NKAIN2: variants seen among roughly 807,000 people sequenced by gnomAD.
NKAIN2 encodes sodium/potassium-transporting ATPase subunit beta-1-interacting protein 2.
NKAIN2 carries 14 observed loss-of-function variants against 32.6 expected under a neutral mutation model. The observed-to-expected ratio is 0.43, with a 90% CI of 0.28 to 0.67. The LOEUF is 0.67. NKAIN2 is among the 30% of genes least tolerant of loss of function. The pLI is 0.17. For synonymous variants in NKAIN2, 80 were observed against 87.2 expected (o/e 0.92, Z 0.46); for missense variants, 198 against 258.3 (o/e 0.77, Z 1.60).
intron 2 of NKAIN2, among the ~76,000 whole-genome samples, chr6:124,349,343 G>T (rs1798607203): frequency 6.6e-6 from 1 of 152,248 alleles, no homozygotes; most frequent in East Asian, 1.9e-4. Context: ...TTCTCCCAGT[G>T]CACAGGCCGG....
intron 1 of NKAIN2, among the ~76,000 whole-genome samples, chr6:124,062,111 A>G (rs1782940643): frequency 6.6e-6 from 1 of 152,026 alleles, no homozygotes; most frequent in Non-Finnish European, 1.5e-5. Context: ...TTACAATGAT[A>G]CGTAAATATA....
intron 1 of NKAIN2, among the ~76,000 whole-genome samples, chr6:123,936,595 A>G (rs1407321052): frequency 1.3e-5 from 2 of 152,144 alleles, no homozygotes; most frequent in Non-Finnish European, 2.9e-5. Flanking sequence ...GAAGAGGAGT[A>G]ATAATATAAA....
intron 4 of NKAIN2, among the ~76,000 whole-genome samples, chr6:124,664,274 CAAAAAAAAGAAAGAA>C (rs1451401203): frequency 5.0e-5 from 7 of 140,090 alleles, no homozygotes; most frequent in African/African-American, 1.9e-4. Flanking sequence ...GACTCTGTCT[CAAAAAAAAGAAAGAA>C]AAAAAAAAGA....
chr6:123,903,769 T>A (rs113043683), intron 1 of NKAIN2, among the ~76,000 whole-genome samples: 36 of 152,200 alleles, frequency 2.4e-4, no homozygotes, highest in Non-Finnish European at 5.0e-4. Flanking sequence ...TTAGTAATAT[T>A]ATTTGCCTAA....
At chr6:124,330,894 G>C (rs999638708) in intron 2 of NKAIN2, among the ~76,000 whole-genome samples, 7 of 152,106 alleles carry the variant, frequency 4.6e-5, no homozygotes, top group Non-Finnish European at 8.8e-5. Flanking sequence ...GCATGCAAGA[G>C]ATCTAGGTTG....
intron 1 of NKAIN2, among the ~76,000 whole-genome samples, chr6:124,153,587 C>T (rs968947206): frequency 6.6e-6 from 1 of 151,588 alleles, no homozygotes; most frequent in African/African-American, 2.4e-5. Flanking sequence ...GCACATATTC[C>T]ATTACCCTTT....
chr6:124,279,494 A>G (rs932224261), intron 1 of NKAIN2, among the ~76,000 whole-genome samples: 47 of 148,794 alleles, frequency 3.2e-4, no homozygotes, highest in Non-Finnish European at 5.9e-4. Flanking sequence ...CTGGACAACA[A>G]AGCAAGATTC....
intron 1 of NKAIN2, among the ~76,000 whole-genome samples, chr6:123,924,282 T>C (rs75941274): frequency 6.6e-6 from 1 of 152,212 alleles, no homozygotes; most frequent in Non-Finnish European, 1.5e-5. Flanking sequence ...GTCTCTGCCC[T>C]GATTTCAGTT....
chr6:124,424,683 G>A (rs371242663), intron 3 of NKAIN2, among the ~76,000 whole-genome samples: 2 of 151,172 alleles, frequency 1.3e-5, no homozygotes, highest in South Asian at 4.2e-4. Flanking sequence ...TTTTCTTTTT[G>A]TCTGACTTAT....
intron 3 of NKAIN2, among the ~76,000 whole-genome samples, chr6:124,566,489 T>G (rs1004819717): frequency 2.6e-5 from 4 of 152,176 alleles, no homozygotes; most frequent in Admixed American, 1.3e-4. Flanking sequence ...GGGTCTCCTC[T>G]TTTAGATTCC....
intron 5 of NKAIN2, among the ~76,000 whole-genome samples, chr6:124,808,478 G>T (rs575081701): frequency 6.6e-6 from 1 of 152,104 alleles, no homozygotes; most frequent in African/African-American, 2.4e-5. Flanking sequence ...TTGATGGGAC[G>T]TATCTCAAAA....
chr6:124,203,804 T>TA (rs1025030951), intron 1 of NKAIN2, among the ~76,000 whole-genome samples: 10 of 151,962 alleles, frequency 6.6e-5, no homozygotes, highest in Non-Finnish European at 1.5e-4. Context: ...TTCTTTTTTT[T>TA]AAACGGTATG....
At chr6:124,398,171 T>C (rs1773470961) in intron 3 of NKAIN2, among the ~76,000 whole-genome samples, 1 of 141,794 alleles carries the variant, frequency 7.1e-6, no homozygotes, top group Admixed American at 7.8e-5. Context: ...GAGAATGGCC[T>C]GAACCTGGGA....
intron 2 of NKAIN2, among the ~76,000 whole-genome samples, chr6:124,290,190 A>G (rs987729904): frequency 1.3e-5 from 2 of 152,182 alleles, no homozygotes; most frequent in Non-Finnish European, 2.9e-5. Context: ...TTTATTCTAC[A>G]AGAAGATACT....
intron 1 of NKAIN2, among the ~76,000 whole-genome samples, chr6:123,953,152 G>A (rs973380054): frequency 6.6e-6 from 1 of 152,158 alleles, no homozygotes; most frequent in Non-Finnish European, 1.5e-5. Flanking sequence ...ATCTGCACCA[G>A]TCCTGTCTGT....
intron 4 of NKAIN2, among the ~76,000 whole-genome samples, chr6:124,751,677 C>T (rs916264910): frequency 1.3e-5 from 2 of 151,794 alleles, no homozygotes; most frequent in East Asian, 1.9e-4. Flanking sequence ...AGGAAATTTA[C>T]ATTAAAAGAC....
chr6:123,926,430 T>C (rs1299517615), intron 1 of NKAIN2, among the ~76,000 whole-genome samples: 1 of 152,146 alleles, frequency 6.6e-6, no homozygotes, highest in African/African-American at 2.4e-5. Flanking sequence ...AGATTCCCGC[T>C]GCAGTGTTCC....
intron 3 of NKAIN2, among the ~76,000 whole-genome samples, chr6:124,649,609 G>GCT (rs1784295354): frequency 6.6e-6 from 1 of 152,102 alleles, no homozygotes; most frequent in African/African-American, 2.4e-5. Flanking sequence ...TCGTAACACA[G>GCT]TCTATGATGC....
intron 1 of NKAIN2, among the ~76,000 whole-genome samples, chr6:123,880,373 A>G (rs1370663599): frequency 1.3e-5 from 2 of 152,180 alleles, no homozygotes; most frequent in Non-Finnish European, 2.9e-5. Context: ...ATAAAATTAT[A>G]AGAATTCACT....
Sources: allele counts gnomAD v4.1 joint callset (sites outside exome capture counted in the v4.1 genomes callset), GRCh38; gene constraint gnomAD v4.1.1; transcripts MANE v1.5; gene names NCBI Gene and HGNC (gene_info 2026-07-23, HGNC 2026-07-21).